The following RMDN2 variants were observed in gnomAD, a reference collection of about 807,000 sequenced individuals.
The protein encoded by RMDN2 is regulator of microtubule dynamics protein 2.
A neutral mutation model predicts 52.8 loss-of-function variants in RMDN2; 61 were observed. The observed-to-expected ratio is 1.16, with a 90% CI of 0.94 to 1.43. The LOEUF (loss-of-function observed/expected upper bound fraction) is 1.43, where lower values mean the gene tolerates loss of function less well. RMDN2 is among the 40% of genes most tolerant of loss of function. RMDN2 has a pLI of 0.00. For missense variants in RMDN2, 592 were observed against 475.3 expected, an observed-to-expected ratio of 1.25 and a Z score of -2.28; for synonymous variants, 180 against 153.1, an observed-to-expected ratio of 1.18 and a Z score of -1.30.
At chr2:38,063,232 C>A (rs1490812348) in intron 10 of RMDN2, among the ~76,000 whole-genome samples, 1 of 152,156 alleles carries the variant, frequency 6.6e-6, no homozygotes, top group Non-Finnish European at 1.5e-5. Flanking sequence ...ACAGTCCCAC[C>A]AACAGTGTAA....
chr2:37,943,201 G>T (rs1422924248), intron 2 of RMDN2, among the ~76,000 whole-genome samples: 1 of 152,214 alleles, frequency 6.6e-6, no homozygotes, highest in African/African-American at 2.4e-5. Context: ...TGTGTAGCAT[G>T]GGAAGAGAGA....
intron 8 of RMDN2, among the ~76,000 whole-genome samples, chr2:37,999,911 A>C (rs973469635): frequency 6.6e-6 from 1 of 152,146 alleles, no homozygotes; most frequent in African/African-American, 2.4e-5. Context: ...ACATTTCCTT[A>C]GTTCTCCCAC....
chr2:37,935,977 G>A (rs550237033), intron 2 of RMDN2, among the ~76,000 whole-genome samples: 1 of 152,086 alleles, frequency 6.6e-6, no homozygotes, highest in Non-Finnish European at 1.5e-5. Context: ...GTAGACATGT[G>A]CCGTGGTGGT....
intron 10 of RMDN2, among the ~76,000 whole-genome samples, chr2:38,061,658 C>CACATACACACATACAA: frequency 6.6e-6 from 1 of 151,670 alleles, no homozygotes; most frequent in Non-Finnish European, 1.5e-5. Flanking sequence ...CACACATACA[C>CACATACACACATACAA]ACATATACCA....
At chr2:37,980,682 C>A (rs568535321) in intron 4 of RMDN2, among the ~76,000 whole-genome samples, 1 of 152,004 alleles carries the variant, frequency 6.6e-6, no homozygotes, top group African/African-American at 2.4e-5. Context: ...TGTCACTGGC[C>A]CTGTTCATTA....
At chr2:37,968,717 A>G (rs1195282381) in intron 2 of RMDN2, among the ~76,000 whole-genome samples, 1 of 152,226 alleles carries the variant, frequency 6.6e-6, no homozygotes, top group Admixed American at 6.5e-5. Flanking sequence ...AGAAAGGACC[A>G]GAAAAGTGCA....
intron 6 of RMDN2, among the ~76,000 whole-genome samples, chr2:37,990,892 T>C (rs922780272): frequency 2.6e-5 from 4 of 152,244 alleles, no homozygotes; most frequent in African/African-American, 9.6e-5. Flanking sequence ...ATTTGATATT[T>C]GTAAGCTCAC....
At chr2:37,951,972 C>T (rs948179984) in intron 2 of RMDN2, 2 of 1,613,296 alleles carry the variant, frequency 1.2e-6, no homozygotes, top group Non-Finnish European at 1.7e-6. Flanking sequence ...TCATCCTCGT[C>T]CTGAAAGTTA....
intron 10 of RMDN2, among the ~76,000 whole-genome samples, chr2:38,038,098 TTTCCCCCATTCC>T (rs1680707093): frequency 6.6e-6 from 1 of 152,098 alleles, no homozygotes; most frequent in African/African-American, 2.4e-5. Flanking sequence ...GAACCGTTTC[TTTCCCCCATTCC>T]TTCCCCATCT....
chr2:37,974,789 T>G, intron 3 of RMDN2: 1 of 168,796 alleles, frequency 5.9e-6, no homozygotes, highest in Non-Finnish European at 1.2e-5. Flanking sequence ...TTAGGTAATT[T>G]GAGTAAAAAA....
intron 10 of RMDN2, chr2:38,066,946 C>T (rs1222515792): frequency 6.2e-6 from 10 of 1,612,268 alleles, no homozygotes; most frequent in Admixed American, 5.0e-5. Flanking sequence ...CCATTTTGTG[C>T]AATTTTTACT....
chr2:37,927,607 A>C (rs1324985616), intron 1 of RMDN2, among the ~76,000 whole-genome samples: 1 of 152,252 alleles, frequency 6.6e-6, no homozygotes, highest in Non-Finnish European at 1.5e-5. Flanking sequence ...TGGGCAAAAG[A>C]AAGCAATCAG....
chr2:38,019,475 T>C (rs1286779211), downstream of RMDN2, among the ~76,000 whole-genome samples: 1 of 152,220 alleles, frequency 6.6e-6, no homozygotes, highest in Non-Finnish European at 1.5e-5. Context: ...CTTGACCCAA[T>C]AGAAATGTAG....
intron 10 of RMDN2, among the ~76,000 whole-genome samples, chr2:38,060,886 C>T (rs942820169): frequency 1.3e-5 from 2 of 152,180 alleles, no homozygotes; most frequent in African/African-American, 4.8e-5. Flanking sequence ...CTGCTTTTCT[C>T]AGCAACCCCA....
intron 7 of RMDN2, among the ~76,000 whole-genome samples, chr2:37,995,366 C>CTACTACTACTACT (rs1553372281): frequency 7.1e-6 from 1 of 141,688 alleles, no homozygotes; most frequent in Non-Finnish European, 1.5e-5. Flanking sequence ...ACTACTACTA[C>CTACTACTACTACT]ACACACACAC....
At chr2:38,047,688 T>G (rs570985672) in intron 10 of RMDN2, among the ~76,000 whole-genome samples, 167 of 152,294 alleles carry the variant, frequency 1.1e-3, no homozygotes, top group Non-Finnish European at 2.0e-3. Flanking sequence ...TTCTTTTCTA[T>G]GTAAATGGAA....
chr2:38,060,477 G>A (rs1341282296), intron 10 of RMDN2, among the ~76,000 whole-genome samples: 1 of 152,168 alleles, frequency 6.6e-6, no homozygotes, highest in South Asian at 2.1e-4. Flanking sequence ...ATGCCAACTG[G>A]ATTTGCTTGC....
intron 10 of RMDN2, among the ~76,000 whole-genome samples, chr2:38,024,954 A>G (rs554647334): frequency 3.9e-4 from 59 of 152,262 alleles, no homozygotes; most frequent in African/African-American, 1.4e-3. Context: ...ATTTGAAACC[A>G]GGTAGTGTTA....
intron 6 of RMDN2, among the ~76,000 whole-genome samples, 186 bp downstream of exon 6, chr2:37,989,802 T>C (rs1243880652): frequency 6.6e-6 from 1 of 152,170 alleles, no homozygotes; most frequent in African/African-American, 2.4e-5. Flanking sequence ...TTATACTCTT[T>C]AAATAGTACT....
Sources: allele counts gnomAD v4.1 joint callset (sites outside exome capture counted in the v4.1 genomes callset), GRCh38; gene constraint gnomAD v4.1.1; transcripts MANE v1.5; gene names NCBI Gene and HGNC (gene_info 2026-07-23, HGNC 2026-07-21).